NKAIN2: variants seen among roughly 807,000 people sequenced by gnomAD.
NKAIN2 encodes the protein sodium/potassium-transporting ATPase subunit beta-1-interacting protein 2.
A neutral mutation model predicts 32.6 loss-of-function variants in NKAIN2; 14 were observed. The observed-to-expected ratio is 0.43, with a 90% CI of 0.28 to 0.67. The LOEUF (loss-of-function observed/expected upper bound fraction) is 0.67. NKAIN2 is among the 30% of genes least tolerant of loss of function. The pLI, the probability that NKAIN2 is intolerant of heterozygous loss-of-function variation, is 0.17. For synonymous variants in NKAIN2, 80 were observed against 87.2 expected (o/e 0.92, Z 0.46); for missense variants, 198 against 258.3 (o/e 0.77, Z 1.60).
At chr6:124,775,214 A>C (rs1031776661) in intron 4 of NKAIN2, among the ~76,000 whole-genome samples, 1 of 152,216 alleles carries the variant, frequency 6.6e-6, no homozygotes, top group African/African-American at 2.4e-5. Context: ...GGAAAAAAGC[A>C]GATATTCAGA....
At chr6:124,789,146 A>G (rs1441377003) in intron 4 of NKAIN2, among the ~76,000 whole-genome samples, 5 of 152,084 alleles carry the variant, frequency 3.3e-5, no homozygotes, top group African/African-American at 9.7e-5. Flanking sequence ...GGGAGAGTAC[A>G]CTTAATAATC....
chr6:124,675,875 T>C (rs1256066278), intron 4 of NKAIN2, among the ~76,000 whole-genome samples: 3 of 150,238 alleles, frequency 2.0e-5, no homozygotes, highest in African/African-American at 7.3e-5. Context: ...AAAATTGGGC[T>C]TATTTTTTCC....
chr6:124,123,209 G>A (rs894900470), intron 1 of NKAIN2, among the ~76,000 whole-genome samples: 3 of 151,926 alleles, frequency 2.0e-5, no homozygotes, highest in African/African-American at 7.3e-5. Flanking sequence ...AATTCCTGGT[G>A]CTGTGCAAAT....
chr6:124,117,120 AT>A (rs1445848747), intron 1 of NKAIN2, among the ~76,000 whole-genome samples: 2 of 152,044 alleles, frequency 1.3e-5, no homozygotes, highest in Non-Finnish European at 2.9e-5. Context: ...GGTGGGATGA[AT>A]CAATTTCATA....
intron 3 of NKAIN2, among the ~76,000 whole-genome samples, chr6:124,412,295 A>T (rs559499098): frequency 6.6e-6 from 1 of 151,872 alleles, no homozygotes; most frequent in African/African-American, 2.4e-5. Flanking sequence ...TTTTTTCCCC[A>T]TCTTTGTGGT....
chr6:124,592,977 A>G (rs950268078), intron 3 of NKAIN2, among the ~76,000 whole-genome samples: 1 of 152,166 alleles, frequency 6.6e-6, no homozygotes, highest in South Asian at 2.1e-4. Flanking sequence ...TATTCTGTCA[A>G]CAAATCATTG....
chr6:124,818,342 G>A (rs757003599), intron 5 of NKAIN2, 45 bp from the exon 6 acceptor site: 2 of 1,002,560 alleles, frequency 2.0e-6, no homozygotes, highest in South Asian at 2.6e-5. Context: ...GATCATGGAT[G>A]TATATCTCTT....
intron 1 of NKAIN2, among the ~76,000 whole-genome samples, chr6:124,001,193 G>T (rs1489729382): frequency 1.2e-4 from 18 of 151,346 alleles, no homozygotes; most frequent in Non-Finnish European, 2.9e-5. Flanking sequence ...ACTTTAGTTT[G>T]TAAACTTTTT....
intron 2 of NKAIN2, among the ~76,000 whole-genome samples, chr6:124,327,835 G>T (rs185256400): frequency 3.9e-5 from 6 of 152,004 alleles, no homozygotes; most frequent in Non-Finnish European, 8.8e-5. Context: ...TATTACTCTG[G>T]GCCACATTAC....
intron 1 of NKAIN2, among the ~76,000 whole-genome samples, chr6:124,038,542 G>A (rs1781711298): frequency 6.6e-6 from 1 of 151,994 alleles, no homozygotes; most frequent in Non-Finnish European, 1.5e-5. Context: ...TCACTTGATT[G>A]TTGATTATTG....
chr6:124,735,353 T>C (rs1212364240), intron 4 of NKAIN2, among the ~76,000 whole-genome samples: 1 of 151,942 alleles, frequency 6.6e-6, no homozygotes, highest in South Asian at 2.1e-4. Flanking sequence ...TAATCACTCA[T>C]CAATAAGTTT....
chr6:124,239,516 G>C (rs1449243885), intron 1 of NKAIN2, among the ~76,000 whole-genome samples: 2 of 152,056 alleles, frequency 1.3e-5, no homozygotes, highest in African/African-American at 2.4e-5. Context: ...TTCAGCAAAT[G>C]AAAAAGAACG....
At chr6:123,925,613 A>G (rs1004431501) in intron 1 of NKAIN2, among the ~76,000 whole-genome samples, 1 of 152,204 alleles carries the variant, frequency 6.6e-6, no homozygotes, top group Non-Finnish European at 1.5e-5. Context: ...ATGATGAAAC[A>G]CAAACTAGTG....
chr6:124,626,924 T>G (rs1783375498), intron 3 of NKAIN2, among the ~76,000 whole-genome samples: 1 of 152,174 alleles, frequency 6.6e-6, no homozygotes, highest in South Asian at 2.1e-4. Context: ...TAAATTTGTA[T>G]TAGAAAAGTG....
chr6:124,498,639 T>A (rs1778162361), intron 3 of NKAIN2, among the ~76,000 whole-genome samples: 1 of 152,114 alleles, frequency 6.6e-6, no homozygotes, highest in South Asian at 2.1e-4. Context: ...TGCAAAACAA[T>A]AATTTATCAT....
intron 2 of NKAIN2, among the ~76,000 whole-genome samples, chr6:124,344,312 C>T (rs974697600): frequency 1.7e-4 from 26 of 152,082 alleles, no homozygotes; most frequent in Admixed American, 1.1e-3. Context: ...CTTGGTGATG[C>T]GGGCTCTTTT....
intron 1 of NKAIN2, among the ~76,000 whole-genome samples, chr6:124,226,741 A>G (rs1582882597): frequency 6.6e-6 from 1 of 152,238 alleles, no homozygotes; most frequent in East Asian, 1.9e-4. Context: ...TTTGACCACA[A>G]GAATGTGCAG....
intron 1 of NKAIN2, among the ~76,000 whole-genome samples, chr6:123,935,091 T>C (rs1456662864): frequency 2.0e-5 from 3 of 147,532 alleles, no homozygotes; most frequent in Admixed American, 6.8e-5. Flanking sequence ...TTGGAATATA[T>C]AGATATTTCA....
chr6:124,413,252 TC>T (rs1774298756), intron 3 of NKAIN2, among the ~76,000 whole-genome samples: 1 of 152,166 alleles, frequency 6.6e-6, no homozygotes, highest in South Asian at 2.1e-4. Context: ...AAATCACCTG[TC>T]TTCTGCGTCG....
Sources: gnomAD v4.1 joint callset for allele counts (sites outside exome capture counted in the v4.1 genomes callset) on GRCh38, gnomAD v4.1.1 for gene constraint, MANE v1.5 for transcripts, NCBI Gene and HGNC (gene_info 2026-07-23, HGNC 2026-07-21) for gene names.